The following ARMH3 variants were observed in gnomAD, a reference collection of about 807,000 sequenced individuals.
The protein encoded by ARMH3 is armadillo-like helical domain-containing protein 3.
ARMH3 carries 60 observed loss-of-function variants against 99.1 expected under a neutral mutation model. The observed-to-expected ratio is 0.61, with a 90% CI of 0.49 to 0.75. The LOEUF (loss-of-function observed/expected upper bound fraction) is 0.75. Among genes scored for constraint, ARMH3 ranks in the 30% least tolerant of loss-of-function variants. The probability of loss-of-function intolerance (pLI) is 0.00; values close to 1 mark genes in which losing one functional copy is unlikely to be tolerated. For synonymous variants in ARMH3, 285 were observed against 292.8 expected (o/e 0.97, Z 0.27); for missense variants, 679 against 843.1 (o/e 0.81, Z 2.41).
chr10:101,929,829 G>T (rs1843647429), intron 23 of ARMH3, among the ~76,000 whole-genome samples: 1 of 152,156 alleles, frequency 6.6e-6, no homozygotes. Flanking sequence ...ATTGCATATG[G>T]ACATAAAACA....
Position 101,893,227 on chromosome 10 carries a change from C to T in ARMH3, c.1782-3737G>A, listed in dbSNP as rs143782317. Among the ~76,000 whole-genome samples, 372 of 152,246 alleles carry T rather than the reference C, an allele frequency of 2.4e-3. 2 individuals carry two copies. The highest frequency in any genetic ancestry group is 8.6e-3 in the African/African-American group (356 of 41,542). On this transcript the variant is annotated intron_variant, in intron 23 of 25. Coordinates refer to ENST00000370033, the MANE Select transcript of ARMH3 (RefSeq NM_024541.3). ...TAGGGTTTAGTGTCCAGGACCAACACGATTGAAGGAAAGGAGCTTCAGTAG... is the reference window on the plus strand; with the variant it reads ...TAGGGTTTAGTGTCCAGGACCAACATGATTGAAGGAAAGGAGCTTCAGTAG...
chr10:101,880,028 G>C (rs1261174526), intron 24 of ARMH3, among the ~76,000 whole-genome samples: 1 of 152,210 alleles, frequency 6.6e-6, no homozygotes, highest in Non-Finnish European at 1.5e-5. Context: ...TGAAATGCCA[G>C]AATCTAAACA....
intron 1 of ARMH3, among the ~76,000 whole-genome samples, chr10:102,055,559 A>C (rs1475378203): frequency 6.6e-6 from 1 of 152,186 alleles, no homozygotes; most frequent in Non-Finnish European, 1.5e-5. Context: ...AAAACACAGT[A>C]GCTTCACTGA....
intron 1 of ARMH3, among the ~76,000 whole-genome samples, chr10:102,046,566 C>G (rs900277286): frequency 7.9e-5 from 12 of 152,098 alleles, no homozygotes; most frequent in African/African-American, 2.7e-4. Context: ...ACAGAAGAAT[C>G]GCTTGAACCG....
chr10:102,014,357 C>T (rs1312315655), intron 8 of ARMH3, among the ~76,000 whole-genome samples: 1 of 152,234 alleles, frequency 6.6e-6, no homozygotes, highest in Non-Finnish European at 1.5e-5. Context: ...TGCTCCACAA[C>T]ACTCATTTTG....
At chr10:101,953,555 T>C (rs911907273) in intron 22 of ARMH3, among the ~76,000 whole-genome samples, 1 of 151,538 alleles carries the variant, frequency 6.6e-6, no homozygotes, top group African/African-American at 2.4e-5. Flanking sequence ...TTTTTTTTTT[T>C]TTTTTTAATG....
At chr10:101,979,645 A>T (rs960984914) in intron 19 of ARMH3, among the ~76,000 whole-genome samples, 1 of 152,054 alleles carries the variant, frequency 6.6e-6, no homozygotes, top group Non-Finnish European at 1.5e-5. Flanking sequence ...AAAGCTGCTT[A>T]AAAAAAACTC....
At position 101,960,053 on chromosome 10, in the gene ARMH3, C is replaced by CTGTA. The variant is rs538597665; in HGVS notation, c.1496-2325_1496-2322dup. 2.0e-3 allele frequency among the ~76,000 whole-genome samples: 308 copies of CTGTA among 152,272 alleles called. 4 individuals carry two copies. The highest frequency in any genetic ancestry group is 7.2e-3 in the African/African-American group (298 of 41,554). ...ATTAGCTGGGCGTGGCGGTGTGCGC[C>CTGTA]TGTAGGCCCAGCTACTCGAGAGGCT... is the stretch of plus-strand genomic sequence containing the variant. On this transcript the variant is annotated intron_variant, in intron 20 of 25. Coordinates refer to ENST00000370033, the MANE Select transcript of ARMH3 (RefSeq NM_024541.3).
chr10:101,965,950 T>C (rs1845512447), intron 20 of ARMH3, among the ~76,000 whole-genome samples: 1 of 152,202 alleles, frequency 6.6e-6, no homozygotes, highest in Non-Finnish European at 1.5e-5. Context: ...TGTAGAGTTC[T>C]GACTTTTCTG....
rs761623525 is a variant in ARMH3, at chr10:102,033,354, T to A, written c.103-15A>T. 6.2e-7 allele frequency: 1 copy of A among 1,612,664 alleles called. No homozygotes were observed. On this transcript the variant is annotated splice_polypyrimidine_tract_variant and intron_variant, in intron 2 of 25. Transcript: ENST00000370033. ...GGGTCCTCTGTCTGAAACCAGAATATAAGCACATTCAGCCTTCCCAGCTAA... is the reference window on the plus strand; with the variant it reads ...GGGTCCTCTGTCTGAAACCAGAATAAAAGCACATTCAGCCTTCCCAGCTAA...
chr10:101,859,955 T>C (rs1165585599), intron 24 of ARMH3, among the ~76,000 whole-genome samples: 1 of 152,050 alleles, frequency 6.6e-6, no homozygotes, highest in African/African-American at 2.4e-5. Context: ...AAGGATAAAA[T>C]ATTAGAGACC....
At chr10:101,931,523 CA>C (rs956490794) in intron 23 of ARMH3, among the ~76,000 whole-genome samples, 89 of 135,656 alleles carry the variant, frequency 6.6e-4, no homozygotes, top group African/African-American at 7.6e-4. Context: ...AAAACTGTCA[CA>C]AAAAAAAAAA....
At chr10:101,967,693 C>T (rs776266084) in intron 20 of ARMH3, among the ~76,000 whole-genome samples, 18 of 152,058 alleles carry the variant, frequency 1.2e-4, no homozygotes, top group Non-Finnish European at 2.2e-4. Context: ...GCTGGGATCG[C>T]GCCACGGCAC....
intron 1 of ARMH3, among the ~76,000 whole-genome samples, chr10:102,040,407 T>C (rs2067382390): frequency 1.3e-5 from 2 of 152,194 alleles, no homozygotes; most frequent in South Asian, 4.1e-4. Context: ...AATTTTGCTG[T>C]GAACCTAAAA....
intron 1 of ARMH3, among the ~76,000 whole-genome samples, chr10:102,046,254 AAGAAAGAGAGAAAAAGAG>A (rs1180733357): frequency 1.3e-5 from 2 of 151,964 alleles, no homozygotes; most frequent in Non-Finnish European, 2.9e-5. Context: ...TGAACTGGAA[AAGAAAGAGAGAAAAAGAG>A]AGAAAGAGAG....
intron 25 of ARMH3, 138 bp downstream of exon 25, chr10:101,849,638 G>A: frequency 1.5e-6 from 1 of 684,104 alleles, no homozygotes. Context: ...TGGTACAATG[G>A]GGGAGAGAAG....
chr10:101,854,461 G>GT (rs2066684497), intron 24 of ARMH3, among the ~76,000 whole-genome samples: 1 of 152,146 alleles, frequency 6.6e-6, no homozygotes, highest in Admixed American at 6.6e-5. Flanking sequence ...TTCTATGTGC[G>GT]TAAGTGATTC....
chr10:101,956,664 G>C lies in ARMH3; in HGVS notation c.1638C>G (p.Ser546Arg), dbSNP rs367986699. 3 of 1,613,638 alleles carry C rather than the reference G, an allele frequency of 1.9e-6. No homozygotes were observed. Among genetic ancestry groups the C allele is most frequent in the Non-Finnish European group, 2.5e-6 (3 of 1,179,708 alleles). Reference sequence around the variant, plus strand: ...TCTCATAGTAAAGTTCATCATAGCTGCTGGGGGTTGGCAGAAATGTGTCGC... The same window carrying C: ...TCTCATAGTAAAGTTCATCATAGCTCCTGGGGGTTGGCAGAAATGTGTCGC... ...TYGDTFLPTPSSYDELYYEII... is the reference protein window; with the variant it reads ...TYGDTFLPTPRSYDELYYEII... Residue 546 changes from serine to arginine, a missense_variant, in exon 22 of 26, where the codon AGC (serine) becomes AGG (arginine). Physicochemically the swap from Ser to Arg is moderately radical, Grantham distance 110. This residue lies in a region of ARMH3 where 389 missense variants were observed against 456.5 expected (regional missense o/e 0.85). Coordinates refer to ENST00000370033, the MANE Select transcript of ARMH3 (RefSeq NM_024541.3).
At chr10:101,913,440 G>A (rs536470648) in intron 23 of ARMH3, among the ~76,000 whole-genome samples, 4 of 139,658 alleles carry the variant, frequency 2.9e-5, no homozygotes, top group East Asian at 2.2e-4. Context: ...ACCACAGCTC[G>A]CTGCAGCCTC....
Sources: gnomAD v4.1 joint callset for allele counts (sites outside exome capture counted in the v4.1 genomes callset) on GRCh38, gnomAD v4.1.1 for gene constraint, gnomAD v4.1.1 regional missense constraint, MANE v1.5 for transcripts, NCBI Gene and HGNC (gene_info 2026-07-23, HGNC 2026-07-21) for gene names.